The following FGD5 variants were observed in gnomAD, a reference collection of about 807,000 sequenced individuals.
FGD5 encodes the protein FYVE, RhoGEF and PH domain containing 5, also known as FYVE, RhoGEF and PH domain-containing protein 5.
In FGD5, 28 loss-of-function variants were observed where a neutral mutation model predicts 133.4. That is an observed-to-expected ratio of 0.21 (90% confidence interval 0.16 to 0.29). The LOEUF (loss-of-function observed/expected upper bound fraction) is 0.29. FGD5 is among the 10% of genes least tolerant of loss of function. The pLI is 1.00. For synonymous variants in FGD5, 810 were observed against 776.5 expected, an observed-to-expected ratio of 1.04 and a Z score of -0.72; for missense variants, 1,858 against 1,895.2, an observed-to-expected ratio of 0.98 and a Z score of 0.36.
chr3:14,883,437 C>T (rs969026653), intron 4 of FGD5, among the ~76,000 whole-genome samples: 1 of 152,208 alleles, frequency 6.6e-6, no homozygotes, highest in African/African-American at 2.4e-5. Context: ...CTTTCACCCA[C>T]TCATCTGTCC....
At chr3:14,829,824 T>C (rs2036671983) in intron 1 of FGD5, among the ~76,000 whole-genome samples, 1 of 152,214 alleles carries the variant, frequency 6.6e-6, no homozygotes, top group Non-Finnish European at 1.5e-5. Context: ...CCTCCCCACC[T>C]GTCAGTGCAC....
chr3:14,869,387 C>T (rs892779040), intron 2 of FGD5, among the ~76,000 whole-genome samples: 4 of 152,128 alleles, frequency 2.6e-5, no homozygotes, highest in Admixed American at 1.3e-4. Flanking sequence ...GTGGGGGCAT[C>T]TTAGACACAG....
At chr3:14,827,527 T>C (rs968541165) in intron 1 of FGD5, among the ~76,000 whole-genome samples, 3 of 152,116 alleles carry the variant, frequency 2.0e-5, no homozygotes, top group Non-Finnish European at 2.9e-5. Flanking sequence ...CCAAACCTGT[T>C]GAGTGTCCTG....
At chr3:14,868,659 T>G (rs2037545356) in intron 2 of FGD5, among the ~76,000 whole-genome samples, 1 of 152,228 alleles carries the variant, frequency 6.6e-6, no homozygotes. Context: ...AACCACAGCC[T>G]GTGCTTCCCA....
chr3:14,837,468 TG>T (rs778557238), intron 1 of FGD5, among the ~76,000 whole-genome samples: 5 of 151,950 alleles, frequency 3.3e-5, no homozygotes, highest in Admixed American at 6.5e-5. Context: ...TTGCGGGGGC[TG>T]GGGGGGATGT....
At position 14,819,784 on chromosome 3, in the gene FGD5, C is replaced by G. The variant is rs757854639; in HGVS notation, c.713C>G (p.Pro238Arg). Residue 238 changes from proline (P) to arginine (R), a missense_variant, in exon 1 of 20, where the codon CCC (proline) becomes CGC (arginine). Physicochemically the swap from Pro to Arg is moderately radical, Grantham distance 103. Around this residue, in one of 3 missense-constraint regions of FGD5, gnomAD observed 1,824 missense variants for 1,848.9 expected, o/e 0.99. Transcript: ENST00000285046. The surrounding 1 kb of genome is among the most constrained non-coding windows in gnomAD (Gnocchi z 4.1). ...GADEGSGPDRPTEDMGQDAED... is the reference protein window; with the variant it reads ...GADEGSGPDRRTEDMGQDAED... ...GATGAGGGTTCGGGTCCTGACAGGC[C>G]CACGGAGGACATGGGACAGGATGCT... 12 of 1,560,944 alleles carry G rather than the reference C, an allele frequency of 7.7e-6. No homozygotes were observed. The highest frequency in any genetic ancestry group is 1.4e-5 in the African/African-American group (1 of 73,670).
At chr3:14,846,487 T>A (rs1003123958) in intron 1 of FGD5, among the ~76,000 whole-genome samples, 1 of 152,202 alleles carries the variant, frequency 6.6e-6, no homozygotes, top group Non-Finnish European at 1.5e-5. Context: ...TCAAAGCAAT[T>A]ACTGACTGAA....
At chr3:14,839,365 G>A (rs116809436) in intron 1 of FGD5, among the ~76,000 whole-genome samples, 1,988 of 152,274 alleles carry the variant, frequency 0.013, 50 homozygotes, top group African/African-American at 0.044. Context: ...CTCTATTTGT[G>A]GTCTGGAACC....
chr3:14,884,273 AT>A (rs1212037224), intron 4 of FGD5, among the ~76,000 whole-genome samples: 1 of 152,202 alleles, frequency 6.6e-6, no homozygotes, highest in Non-Finnish European at 1.5e-5. Context: ...GGGCTAAGCC[AT>A]TCAGAAGGCC....
chr3:14,822,288 CAG>C (rs2036520286), intron 1 of FGD5, among the ~76,000 whole-genome samples: 10 of 152,102 alleles, frequency 6.6e-5, no homozygotes, highest in Admixed American at 5.9e-4. Flanking sequence ...GTCACCAAGA[CAG>C]AAGGTTCTGG....
At chr3:14,844,261 T>TAC in intron 1 of FGD5, among the ~76,000 whole-genome samples, 1 of 77,848 alleles carries the variant, frequency 1.3e-5, no homozygotes, top group Admixed American at 1.5e-4. Flanking sequence ...TATATATATA[T>TAC]ATATATATAT....
intron 1 of FGD5, among the ~76,000 whole-genome samples, chr3:14,856,083 A>T (rs967234229): frequency 6.6e-6 from 1 of 152,042 alleles, no homozygotes; most frequent in African/African-American, 2.4e-5. Flanking sequence ...ATCTAGTTTC[A>T]TTCCTCTACA....
intron 1 of FGD5, among the ~76,000 whole-genome samples, chr3:14,836,941 G>C (rs2036827449): frequency 6.6e-6 from 1 of 152,144 alleles, no homozygotes; most frequent in African/African-American, 2.4e-5. Context: ...AGGGAAGGAA[G>C]GACATTCCAA....
At chr3:14,863,860 G>A (rs1467816633) in intron 1 of FGD5, among the ~76,000 whole-genome samples, 4 of 152,106 alleles carry the variant, frequency 2.6e-5, no homozygotes, top group Admixed American at 1.3e-4. Flanking sequence ...TGAGTTATTC[G>A]GGCCTTCCTC....
intron 2 of FGD5, among the ~76,000 whole-genome samples, chr3:14,876,668 G>A (rs1288491799): frequency 6.6e-6 from 1 of 152,148 alleles, no homozygotes; most frequent in Non-Finnish European, 1.5e-5. Flanking sequence ...TTCCCCACTC[G>A]GTTGGTTGGA....
intron 11 of FGD5, among the ~76,000 whole-genome samples, chr3:14,912,274 G>T (rs2038463698): frequency 6.6e-6 from 1 of 152,130 alleles, no homozygotes; most frequent in African/African-American, 2.4e-5. Flanking sequence ...GTGGCCTCAG[G>T]CTCTGCATGA....
intron 4 of FGD5, 21 bp downstream of exon 4, chr3:14,880,793 G>A: frequency 6.2e-7 from 1 of 1,612,278 alleles, no homozygotes; most frequent in Non-Finnish European, 8.5e-7. Context: ...CATTTTAATT[G>A]TCCAAAACTA....
At chr3:14,926,706 T>G (rs1163993111) in intron 18 of FGD5, among the ~76,000 whole-genome samples, 1 of 152,224 alleles carries the variant, frequency 6.6e-6, no homozygotes, top group Non-Finnish European at 1.5e-5. Context: ...GAAATCAAGC[T>G]TACTTCCAGA....
chr3:14,899,282 T>G (rs2038193470), intron 7 of FGD5, among the ~76,000 whole-genome samples: 1 of 152,144 alleles, frequency 6.6e-6, no homozygotes, highest in Non-Finnish European at 1.5e-5. Flanking sequence ...TCTCTGTCCC[T>G]TCTCTGTCTG....
Sources: allele counts gnomAD v4.1 joint callset (sites outside exome capture counted in the v4.1 genomes callset), GRCh38; gene constraint gnomAD v4.1.1; regional missense constraint gnomAD v4.1.1; non-coding constraint Gnocchi (gnomAD v3.1); transcripts MANE v1.5; gene names NCBI Gene and HGNC (gene_info 2026-07-23, HGNC 2026-07-21).